Variants in PRDM5 observed in about 807,000 individuals in gnomAD.
PRDM5 encodes PR domain zinc finger protein 5.
Under a neutral mutation model 81.2 loss-of-function variants are expected in PRDM5, and 56 were observed. That is an observed-to-expected ratio of 0.69 (90% CI 0.56 to 0.86). The LOEUF (loss-of-function observed/expected upper bound fraction) is 0.86, where lower values mean the gene tolerates loss of function less well. Among genes scored for constraint, PRDM5 ranks in the 40% least tolerant of loss-of-function variants. The pLI is 0.00. For synonymous variants in PRDM5, 267 were observed against 256.4 expected (o/e 1.04, Z -0.39); for missense variants, 697 against 770.1 (o/e 0.91, Z 1.12).
chr4:120,728,131 T>A (rs958129511), intron 14 of PRDM5, among the ~76,000 whole-genome samples: 1 of 151,754 alleles, frequency 6.6e-6, no homozygotes, highest in African/African-American at 2.4e-5. Context: ...CTCTTGCCCT[T>A]TCCTCCTGCT....
At chr4:120,906,277 T>C (rs938813116) in intron 2 of PRDM5, among the ~76,000 whole-genome samples, 3 of 152,188 alleles carry the variant, frequency 2.0e-5, no homozygotes, top group Non-Finnish European at 4.4e-5. Context: ...CTTGTATAGA[T>C]ACATTGGATC....
At chr4:120,873,622 C>T (rs1169984691) in intron 2 of PRDM5, among the ~76,000 whole-genome samples, 1 of 152,204 alleles carries the variant, frequency 6.6e-6, no homozygotes, top group Non-Finnish European at 1.5e-5. Flanking sequence ...CCTGGGTTTA[C>T]ATGACCATTA....
intron 15 of PRDM5, among the ~76,000 whole-genome samples, chr4:120,697,963 T>A (rs77630862): frequency 2.5e-5 from 3 of 117,660 alleles, no homozygotes; most frequent in Non-Finnish European, 6.0e-5. Context: ...TAAAATAAAA[T>A]AAAAAAAAAG....
intron 2 of PRDM5, among the ~76,000 whole-genome samples, chr4:120,881,803 A>T (rs1762870297): frequency 6.6e-6 from 1 of 152,204 alleles, no homozygotes; most frequent in South Asian, 2.1e-4. Context: ...GACTCAATTG[A>T]TCTTCCTTAT....
chr4:120,803,060 G>A (rs1477800233), intron 8 of PRDM5, among the ~76,000 whole-genome samples: 2 of 152,180 alleles, frequency 1.3e-5, no homozygotes, highest in East Asian at 1.9e-4. Context: ...CATGACAAAT[G>A]CACAAGCTTC....
chr4:120,828,396 G>C (rs1756303668), intron 3 of PRDM5, among the ~76,000 whole-genome samples: 1 of 152,138 alleles, frequency 6.6e-6, no homozygotes, highest in Middle Eastern at 3.4e-3. Context: ...CTGAGGCTCA[G>C]AGATGAAAAA....
chr4:120,720,738 C>A (rs1738480755), intron 14 of PRDM5, among the ~76,000 whole-genome samples: 1 of 152,174 alleles, frequency 6.6e-6, no homozygotes, highest in Non-Finnish European at 1.5e-5. Context: ...GATCTTTCAA[C>A]ATATGACAAA....
At chr4:120,834,420 C>T (rs1036726764) in intron 3 of PRDM5, among the ~76,000 whole-genome samples, 1 of 152,118 alleles carries the variant, frequency 6.6e-6, no homozygotes, top group African/African-American at 2.4e-5. Context: ...AAGAAGACAG[C>T]TGCCTATGAA....
At chr4:120,768,155 A>T (rs1279602578) in intron 13 of PRDM5, among the ~76,000 whole-genome samples, 3 of 152,258 alleles carry the variant, frequency 2.0e-5, no homozygotes, top group Non-Finnish European at 2.9e-5. Flanking sequence ...CTAAAATGAT[A>T]TAAGACTTTT....
At chr4:120,875,170 G>A (rs1323520676) in intron 2 of PRDM5, among the ~76,000 whole-genome samples, 1 of 152,214 alleles carries the variant, frequency 6.6e-6, no homozygotes, top group Non-Finnish European at 1.5e-5. Context: ...TAAAGCATGC[G>A]GCCAATCTTT....
rs1446056116 is a variant in PRDM5 at position 120,799,676 on chromosome 4, T to C, written c.1015A>G (p.Met339Val). Reference sequence around the variant, plus strand: ...TATAGTTTACCTGAGTGGGTGATCATATGACGTTTTAGCTGATTAGCTGAA... The same window carrying C: ...TATAGTTTACCTGAGTGGGTGATCACATGACGTTTTAGCTGATTAGCTGAA... ...FISANQLKRH[M>V]ITHSEKRPYN... The change falls in exon 9 of 16, where the codon ATG becomes GTG. Residue 339 changes from methionine to valine, a missense_variant. Around this residue, in one of 3 missense-constraint regions of PRDM5, gnomAD observed 577 missense variants for 606.7 expected, o/e 0.95. Transcript: ENST00000264808. The C allele has an allele frequency of 1.9e-6, 3 of 1,612,560 alleles. No homozygotes were observed. Among genetic ancestry groups the C allele is most frequent in the African/African-American group, 2.7e-5 (2 of 74,888 alleles).
At chr4:120,744,575 G>T (rs1429042868) in intron 14 of PRDM5, among the ~76,000 whole-genome samples, 1 of 151,970 alleles carries the variant, frequency 6.6e-6, no homozygotes, top group Admixed American at 6.6e-5. Context: ...TCAAATAGAC[G>T]CAAGAAAAAA....
intron 2 of PRDM5, among the ~76,000 whole-genome samples, chr4:120,864,797 C>T (rs1372465574): frequency 6.6e-6 from 1 of 152,188 alleles, no homozygotes; most frequent in Non-Finnish European, 1.5e-5. Context: ...CTGACTAAAG[C>T]TCTTATGTCC....
intron 6 of PRDM5, 87 bp downstream of exon 6, chr4:120,816,745 A>G: frequency 6.6e-7 from 1 of 1,517,600 alleles, no homozygotes; most frequent in Non-Finnish European, 9.2e-7. Flanking sequence ...AGGTATGTGA[A>G]ACTGAATTAC....
chr4:120,906,222 T>C (rs952839268), intron 2 of PRDM5, among the ~76,000 whole-genome samples: 1 of 152,066 alleles, frequency 6.6e-6, no homozygotes, highest in African/African-American at 2.4e-5. Flanking sequence ...CCTCCTGCCT[T>C]AGCCTCCTGA....
chr4:120,805,658 A>C (rs1486404193), intron 8 of PRDM5, among the ~76,000 whole-genome samples: 1 of 152,216 alleles, frequency 6.6e-6, no homozygotes, highest in East Asian at 1.9e-4. Context: ...ATAGCCCTTC[A>C]TGCTAAAAAC....
intron 3 of PRDM5, among the ~76,000 whole-genome samples, chr4:120,836,962 C>A (rs536349830): frequency 6.6e-6 from 1 of 152,232 alleles, no homozygotes; most frequent in East Asian, 1.9e-4. Context: ...CTATGTGCCA[C>A]AAGATTTATA....
intron 10 of PRDM5, among the ~76,000 whole-genome samples, chr4:120,795,166 AGTTT>A (rs1751172324): frequency 1.3e-5 from 2 of 152,180 alleles, no homozygotes; most frequent in South Asian, 2.1e-4. Context: ...GTCCCCTAGG[AGTTT>A]GTTTGTAAAT....
At chr4:120,728,874 T>C (rs1360485142) in intron 14 of PRDM5, among the ~76,000 whole-genome samples, 12 of 151,956 alleles carry the variant, frequency 7.9e-5, no homozygotes, top group Admixed American at 7.2e-4. Flanking sequence ...TATCCAAATG[T>C]GTGATAAAGA....
Sources: gnomAD v4.1 joint callset for allele counts (sites outside exome capture counted in the v4.1 genomes callset) on GRCh38, gnomAD v4.1.1 for gene constraint, gnomAD v4.1.1 regional missense constraint, MANE v1.5 for transcripts, NCBI Gene and HGNC (gene_info 2026-07-23, HGNC 2026-07-21) for gene names.